NSG2: variants seen among roughly 807,000 people sequenced by gnomAD.
NSG2 encodes neuronal vesicle trafficking-associated protein 2.
A neutral mutation model predicts 16.9 loss-of-function variants in NSG2; 4 were observed. The ratio of observed to expected loss-of-function variants is 0.24; its 90% confidence interval spans 0.12 to 0.54. The LOEUF is 0.54. NSG2 is among the 20% of genes least tolerant of loss of function. The pLI, the probability that NSG2 is intolerant of heterozygous loss-of-function variation, is 0.95. For missense variants in NSG2, 179 were observed against 221.1 expected (o/e 0.81, Z 1.21); for synonymous variants, 98 against 88.7 (o/e 1.11, Z -0.59).
intron 3 of NSG2, among the ~76,000 whole-genome samples, chr5:174,097,557 CTGTG>C (rs76826255): frequency 1.6e-4 from 23 of 147,692 alleles, no homozygotes; most frequent in African/African-American, 3.8e-4. Context: ...CTGTATGTCT[CTGTG>C]TGTGTAACTG....
chr5:174,063,483 G>T (rs1760089177), intron 2 of NSG2, among the ~76,000 whole-genome samples: 1 of 151,948 alleles, frequency 6.6e-6, no homozygotes, highest in African/African-American at 2.4e-5. Context: ...TTAAGTGTGT[G>T]TGCAAAGGCT....
At chr5:174,057,748 C>T (rs1164210591) in intron 2 of NSG2, among the ~76,000 whole-genome samples, 1 of 152,192 alleles carries the variant, frequency 6.6e-6, no homozygotes, top group African/African-American at 2.4e-5. Flanking sequence ...TCCCTGTCAC[C>T]TACTCACCTC....
At chr5:174,057,045 A>G (rs1162848169) in intron 2 of NSG2, among the ~76,000 whole-genome samples, 2 of 152,222 alleles carry the variant, frequency 1.3e-5, no homozygotes, top group Non-Finnish European at 2.9e-5. Flanking sequence ...TGGGGATCCA[A>G]TGTGTAAATA....
In NSG2 at chr5:174,050,736, C is replaced by T. The variant is rs571806188; in HGVS notation, c.129+3852C>T. 2.0e-5 allele frequency among the ~76,000 whole-genome samples: 3 copies of T among 152,228 alleles called. No homozygotes were observed. The South Asian group carries it at 6.2e-4, about 32-fold the overall frequency. On this transcript the variant is annotated intron_variant, in intron 2 of 4. Coordinates refer to ENST00000303177, the MANE Select transcript of NSG2 (RefSeq NM_015980.5). ...GGACCTGGAAGGGACCTGGACTGGT[C>T]CCCCAGACAGAACACCAGAGGCCCC... is the stretch of plus-strand genomic sequence containing the variant.
chr5:174,079,334 T>G (rs1760407422), intron 3 of NSG2, among the ~76,000 whole-genome samples: 1 of 151,992 alleles, frequency 6.6e-6, no homozygotes, highest in South Asian at 2.1e-4. Flanking sequence ...CTCAGCTCAC[T>G]GCAACCTCTG....
Position 174,107,366 on chromosome 5 carries a change from C to A in NSG2, c.377C>A (p.Pro126His), listed in dbSNP as rs749111376. Residue 126 changes from proline (P) to histidine (H), a missense_variant, in exon 5 of 5, where the codon CCC becomes CAC. Physicochemically the swap from Pro to His is moderately conservative, Grantham distance 77. Coordinates refer to ENST00000303177, the MANE Select transcript of NSG2 (RefSeq NM_015980.5). This position sits in a 1 kb window ranked among gnomAD's most constrained non-coding sequence, Gnocchi z 4.5. ...SLDAYYSSQD[P>H]NSRSRFYTVI... ...GATGCTTACTACTCCTCCCAGGACCCCAATTCCAGAAGCCGCTTCTACACA... is the reference window on the plus strand; with the variant it reads ...GATGCTTACTACTCCTCCCAGGACCACAATTCCAGAAGCCGCTTCTACACA... 18 of 1,601,070 alleles carry A rather than the reference C, an allele frequency of 1.1e-5. No homozygotes were observed. Among genetic ancestry groups the A allele is most frequent in the Admixed American group, 1.7e-5 (1 of 59,500 alleles).
At chr5:174,073,490 G>T (rs913196721) in intron 3 of NSG2, among the ~76,000 whole-genome samples, 2 of 152,156 alleles carry the variant, frequency 1.3e-5, no homozygotes, top group East Asian at 1.9e-4. Context: ...CTGCCAGAGT[G>T]TTTCATGTTT....
intron 2 of NSG2, among the ~76,000 whole-genome samples, chr5:174,052,923 G>T (rs867062410): frequency 6.6e-6 from 1 of 152,180 alleles, no homozygotes; most frequent in South Asian, 2.1e-4. Flanking sequence ...CTGGGCAAAC[G>T]CTTCTTTTCT....
chr5:174,076,423 T>C (rs1056487886), intron 3 of NSG2, among the ~76,000 whole-genome samples: 14 of 151,148 alleles, frequency 9.3e-5, no homozygotes, highest in Admixed American at 4.0e-4. Context: ...GTACAAGATA[T>C]GAGACAGGGA....
At chr5:174,103,684 T>A (rs900816033) in intron 3 of NSG2, among the ~76,000 whole-genome samples, 1 of 152,162 alleles carries the variant, frequency 6.6e-6, no homozygotes, top group African/African-American at 2.4e-5. Context: ...CAGTGGCTCA[T>A]GCCTGTAATC....
At chr5:174,045,876 C>T (rs1220304188) in intron 1 of NSG2, 33 bp downstream of exon 1, 1 of 152,350 alleles carries the variant, frequency 6.6e-6, no homozygotes, top group Non-Finnish European at 1.5e-5. Flanking sequence ...TATAACCACT[C>T]CCCAATATCC....
At chr5:174,076,125 A>AG (rs1760337212) in intron 3 of NSG2, among the ~76,000 whole-genome samples, 1 of 152,208 alleles carries the variant, frequency 6.6e-6, no homozygotes, top group Non-Finnish European at 1.5e-5. Context: ...CATCAGCCTC[A>AG]GTTTTTACTT....
At chr5:174,106,308 G>T (rs1280211283) in intron 4 of NSG2, among the ~76,000 whole-genome samples, 1 of 152,164 alleles carries the variant, frequency 6.6e-6, no homozygotes, top group Non-Finnish European at 1.5e-5. Flanking sequence ...GAGGTTCGTT[G>T]TTTAAAGAAC....
chr5:174,094,004 T>G (rs1279115614), intron 3 of NSG2, among the ~76,000 whole-genome samples: 1 of 152,232 alleles, frequency 6.6e-6, no homozygotes, highest in Non-Finnish European at 1.5e-5. Flanking sequence ...AGAATAAGTT[T>G]ACAGTATGCA....
chr5:174,071,258 G>T (rs1201697210), intron 3 of NSG2, among the ~76,000 whole-genome samples: 1 of 152,190 alleles, frequency 6.6e-6, no homozygotes, highest in African/African-American at 2.4e-5. Flanking sequence ...GGAAGCCAAG[G>T]TGGGTGGATC....
chr5:174,052,746 G>A (rs560692340), intron 2 of NSG2, among the ~76,000 whole-genome samples: 7 of 152,266 alleles, frequency 4.6e-5, no homozygotes, highest in East Asian at 3.9e-4. Context: ...GGCTCAGACA[G>A]GTGGAAGGCT....
chr5:174,089,369 C>T (rs956922916), intron 3 of NSG2, among the ~76,000 whole-genome samples: 14 of 152,072 alleles, frequency 9.2e-5, no homozygotes, highest in African/African-American at 2.4e-4. Flanking sequence ...AAGTGTACGC[C>T]GCCACCAGAG....
intron 3 of NSG2, among the ~76,000 whole-genome samples, chr5:174,090,301 C>T: frequency 6.6e-6 from 1 of 152,160 alleles, no homozygotes; most frequent in Non-Finnish European, 1.5e-5. Flanking sequence ...GAATCGTCTC[C>T]CAGTGGAGTC....
chr5:174,082,293 A>G (rs1760493225), intron 3 of NSG2: 1 of 152,228 alleles, frequency 6.6e-6, no homozygotes, highest in African/African-American at 2.4e-5. Flanking sequence ...GTGGCTTACA[A>G]TTTAATGTTC....
Sources: allele counts gnomAD v4.1 joint callset (sites outside exome capture counted in the v4.1 genomes callset), GRCh38; gene constraint gnomAD v4.1.1; non-coding constraint Gnocchi (gnomAD v3.1); transcripts MANE v1.5; gene names NCBI Gene and HGNC (gene_info 2026-07-23, HGNC 2026-07-21).